The following BICD2 variants were observed in gnomAD, a reference collection of about 807,000 sequenced individuals.
BICD2 encodes the protein BICD cargo adaptor 2.
BICD2 carries 25 observed loss-of-function variants against 72.9 expected under a neutral mutation model. That is an observed-to-expected ratio of 0.34 (90% CI 0.25 to 0.48). The LOEUF (loss-of-function observed/expected upper bound fraction) is 0.48. BICD2 is among the 20% of genes least tolerant of loss of function. BICD2 has a pLI of 0.99. For missense variants in BICD2, 894 were observed against 1,175.2 expected (o/e 0.76, Z 3.50); for synonymous variants, 501 against 516.1 (o/e 0.97, Z 0.40).
In BICD2 at chr9:92,718,861, G is replaced by A. The variant is rs1332984607; in HGVS notation, c.1784C>T (p.Ala595Val). 12 of 1,603,016 alleles carry A rather than the reference G, an allele frequency of 7.5e-6. No homozygotes were observed. Among genetic ancestry groups the A allele is most frequent in the Admixed American group, 3.4e-5 (2 of 58,090 alleles). Residue 595 changes from alanine (A) to valine (V), a missense_variant, in exon 5 of 7, where the codon GCG (alanine) becomes GTG (valine). Around this residue, in one of 5 missense-constraint regions of BICD2, gnomAD observed 321 missense variants for 443.9 expected, o/e 0.72. Transcript: ENST00000356884. Reference protein sequence around the residue: ...LLPKGLLAPEAGRADGGTGDS... With the variant: ...LLPKGLLAPEVGRADGGTGDS... The stretch of plus-strand genomic sequence containing the variant: ...CCCCGTCCCACCATCTGCTCGGCCC[G>A]CCTCAGGAGCCAGCAGCCCCTTGGG...
chr9:92,718,948 C>A lies in BICD2; in HGVS notation c.1697G>T (p.Arg566Leu), dbSNP rs550312355. 1.4e-5 allele frequency: 23 copies of A among 1,609,154 alleles called. 1 individual carries two copies. The Admixed American group carries it at 3.8e-4, about 27-fold the overall frequency. The change falls in exon 5 of 7, where the codon CGC (arginine) becomes CTC (leucine). Residue 566 changes from arginine (R) to leucine (L), a missense_variant. Coordinates refer to ENST00000356884, the MANE Select transcript of BICD2 (RefSeq NM_001003800.2). ...YYREGQGGAG[R>L]TSPGGRTSPE... is the part of the protein sequence containing the mutation. Reference sequence around the variant, plus strand: ...GCTGGTGCGGCCCCCGGGACTGGTGCGGCCGGCCCCGCCCTGGCCCTCGCG... The same window carrying A: ...GCTGGTGCGGCCCCCGGGACTGGTGAGGCCGGCCCCGCCCTGGCCCTCGCG...
At chr9:92,742,903 A>G (rs1293196337) in intron 1 of BICD2, among the ~76,000 whole-genome samples, 1 of 152,194 alleles carries the variant, frequency 6.6e-6, no homozygotes, top group East Asian at 1.9e-4. Flanking sequence ...CTTCCCTTTC[A>G]TGGTCAAATA....
intron 1 of BICD2, among the ~76,000 whole-genome samples, chr9:92,732,090 C>T (rs773040967): frequency 6.6e-6 from 1 of 152,136 alleles, no homozygotes; most frequent in East Asian, 1.9e-4. Context: ...GCTGGCATCC[C>T]GTCACTTACC....
intron 3 of BICD2, 77 bp downstream of exon 3, chr9:92,722,579 G>C (rs1853485272): frequency 6.3e-7 from 1 of 1,589,436 alleles, no homozygotes; most frequent in Non-Finnish European, 8.6e-7. Context: ...TTCCCAACAG[G>C]GAGAGGGGCT....
chr9:92,739,243 C>T (rs968327118), intron 1 of BICD2, among the ~76,000 whole-genome samples: 3 of 152,236 alleles, frequency 2.0e-5, no homozygotes, highest in Non-Finnish European at 4.4e-5. Flanking sequence ...ACCATCCCCT[C>T]AATGTTTACT....
intron 2 of BICD2, among the ~76,000 whole-genome samples, chr9:92,723,528 C>T (rs1225333191): frequency 6.6e-6 from 1 of 152,130 alleles, no homozygotes; most frequent in Non-Finnish European, 1.5e-5. Flanking sequence ...CATAGAGACA[C>T]AAAGTAGGTT....
chr9:92,750,658 T>C (rs1007346), intron 1 of BICD2, among the ~76,000 whole-genome samples: 2,608 of 152,028 alleles, frequency 0.017, 195 homozygotes, highest in Admixed American at 0.13. Flanking sequence ...AGGTGAAGCA[T>C]AGGGTTTTTT....
intron 1 of BICD2, among the ~76,000 whole-genome samples, chr9:92,754,626 T>C (rs1276523944): frequency 6.6e-6 from 1 of 152,218 alleles, no homozygotes; most frequent in African/African-American, 2.4e-5. Flanking sequence ...GCTGAAGCCA[T>C]GGCAGAAGAA....
intron 4 of BICD2, 87 bp from the exon 5 acceptor site, chr9:92,719,669 C>A: frequency 7.2e-7 from 1 of 1,383,604 alleles, no homozygotes; most frequent in Non-Finnish European, 9.6e-7. Flanking sequence ...TAGTGACATC[C>A]CACCCCATGT....
chr9:92,727,523 G>C (rs377570039), intron 2 of BICD2, among the ~76,000 whole-genome samples: 33 of 152,250 alleles, frequency 2.2e-4, no homozygotes, highest in African/African-American at 7.9e-4. Flanking sequence ...ATTCTCAACC[G>C]ACCCATGCTC....
rs1239149545 is a variant in BICD2 at position 92,715,297 on chromosome 9, C to T, written c.2425G>A (p.Gly809Ser). Residue 809 changes from glycine to serine, a missense_variant, in exon 7 of 7, where the codon GGC becomes AGC. By Grantham distance (56) the Gly-to-Ser change is moderately conservative. Transcript: ENST00000356884. Reference sequence around the variant, plus strand: ...GTCTTCGGGGCGGCTTTGGCACGGCCACGCCGGGTCTGCTCATGGTCCAGC... The same window carrying T: ...GTCTTCGGGGCGGCTTTGGCACGGCTACGCCGGGTCTGCTCATGGTCCAGC... ...LELDHEQTRRGRAKAAPKTKP... is the reference protein window; with the variant it reads ...LELDHEQTRRSRAKAAPKTKP... The T allele has an allele frequency of 6.2e-7, 1 of 1,612,676 alleles. No individual in the cohort carries two copies. Among genetic ancestry groups the T allele is most frequent in the Non-Finnish European group, 8.5e-7 (1 of 1,179,846 alleles).
rs935522814 is a variant in BICD2 at position 92,764,393 on chromosome 9, A to AC, written c.240+111dup. The stretch of plus-strand genomic sequence containing the variant: ...CGTGCCCCCTCCGCCCCGGCGGCCC[A>AC]CCCCTGCCGGCCCCCGCTTGGCAAG... On this transcript the variant is annotated intron_variant, in intron 1 of 6. Coordinates refer to ENST00000356884, the MANE Select transcript of BICD2 (RefSeq NM_001003800.2). This position sits in a 1 kb window ranked among gnomAD's most constrained non-coding sequence, Gnocchi z 5.5. The AC allele has an allele frequency of 3.2e-5, 43 of 1,333,290 alleles. No homozygotes were observed. The African/African-American group carries it at 6.6e-4, about 20-fold the overall frequency. 82.6% of individuals were successfully genotyped at this position (1,333,290 alleles called of 1,614,324 possible).
chr9:92,758,662 C>T lies in BICD2; in HGVS notation c.240+5843G>A, dbSNP rs143351673. On this transcript the variant is annotated intron_variant, in intron 1 of 6. Coordinates refer to ENST00000356884, the MANE Select transcript of BICD2 (RefSeq NM_001003800.2). ...GGTCAGGAGTTCGAGACCAGCCTGACCAACATGGAGAAACCCCATCTCTAC... is the reference window on the plus strand; with the variant it reads ...GGTCAGGAGTTCGAGACCAGCCTGATCAACATGGAGAAACCCCATCTCTAC... 4.9e-3 allele frequency among the ~76,000 whole-genome samples: 739 copies of T among 151,580 alleles called. 5 individuals carry two copies. Among genetic ancestry groups the T allele is most frequent in the Non-Finnish European group, 6.9e-3 (471 of 67,948 alleles).
rs115560107 is a variant in BICD2, at chr9:92,749,045, A to G, written c.240+15460T>C. 8.2e-3 allele frequency among the ~76,000 whole-genome samples: 1,254 copies of G among 152,140 alleles called. 32 individuals carry two copies. The highest frequency in any genetic ancestry group is 0.029 in the African/African-American group (1,194 of 41,494). ...TGGAGTTGGTCCCTGAGGAACTCAG[A>G]CAGCCTCACCTGGCAGGTAGACAGG... On this transcript the variant is annotated intron_variant, in intron 1 of 6. Transcript: ENST00000356884.
chr9:92,716,449 AC>A, intron 6 of BICD2, among the ~76,000 whole-genome samples: 1 of 152,124 alleles, frequency 6.6e-6, no homozygotes, highest in Non-Finnish European at 1.5e-5. Flanking sequence ...CCTTGTCTGT[AC>A]CCTGCTCTGG....
rs1047335618 is a variant in BICD2 at position 92,720,154 on chromosome 9, T to C, written c.1062+146A>G. On this transcript the variant is annotated intron_variant, in intron 4 of 6. Transcript: ENST00000356884. The surrounding 1 kb of genome is among the most constrained non-coding windows in gnomAD (Gnocchi z 5.4). ...ACTCCTCTATGTGTGCTCCTGGAGT[T>C]CCATTTACCGTAATGATGCAGGAGA... is the stretch of plus-strand genomic sequence containing the variant. 4 of 876,602 alleles carry C rather than the reference T, an allele frequency of 4.6e-6. No individual in the cohort carries two copies. The highest frequency in any genetic ancestry group is 6.8e-6 in the Non-Finnish European group (4 of 589,958). 54.3% of individuals were successfully genotyped at this position (876,602 alleles called of 1,614,324 possible). A position where few individuals can be genotyped will look rare whatever the true frequency, so the allele number is the denominator to read the frequency against.
At chr9:92,762,233 G>GT (rs1484770379) in intron 1 of BICD2, among the ~76,000 whole-genome samples, 5 of 149,866 alleles carry the variant, frequency 3.3e-5, no homozygotes, top group Middle Eastern at 6.8e-3. Flanking sequence ...AAATCTTGTG[G>GT]TTTTTTTTAA....
At chr9:92,722,139 A>G (rs1419476862) in intron 3 of BICD2, among the ~76,000 whole-genome samples, 8 of 152,234 alleles carry the variant, frequency 5.3e-5, no homozygotes, top group African/African-American at 1.9e-4. Flanking sequence ...ATTTAGTCAC[A>G]TCACAAAGAG....
At chr9:92,750,233 A>G (rs1165789393) in intron 1 of BICD2, among the ~76,000 whole-genome samples, 1 of 152,250 alleles carries the variant, frequency 6.6e-6, no homozygotes, top group African/African-American at 2.4e-5. Flanking sequence ...CGCATTTGGA[A>G]GAGTCTGGCA....
Sources: allele counts gnomAD v4.1 joint callset (sites outside exome capture counted in the v4.1 genomes callset), GRCh38; gene constraint gnomAD v4.1.1; regional missense constraint gnomAD v4.1.1; non-coding constraint Gnocchi (gnomAD v3.1); transcripts MANE v1.5; gene names NCBI Gene and HGNC (gene_info 2026-07-23, HGNC 2026-07-21).